CDH13: variants seen among roughly 807,000 people sequenced by gnomAD.
CDH13 encodes cadherin-13.
In CDH13, 24 loss-of-function variants were observed where a neutral mutation model predicts 63.8. The ratio of observed to expected loss-of-function variants is 0.38; its 90% CI spans 0.27 to 0.53. The LOEUF (loss-of-function observed/expected upper bound fraction) is 0.53. Ranked by LOEUF, CDH13 falls within the 20% of genes least tolerant of loss-of-function variation. The pLI, the probability that CDH13 is intolerant of heterozygous loss-of-function variation, is 0.85. For missense variants in CDH13, 1,049 were observed against 903.1 expected (o/e 1.16, Z -2.07); for synonymous variants, 503 against 355.3 (o/e 1.42, Z -4.67).
intron 2 of CDH13, among the ~76,000 whole-genome samples, chr16:82,878,865 C>T (rs939330219): frequency 4.6e-5 from 7 of 152,090 alleles, no homozygotes; most frequent in Non-Finnish European, 8.8e-5. Flanking sequence ...TAGATCAGGA[C>T]TGATTTTACT....
intron 3 of CDH13, among the ~76,000 whole-genome samples, chr16:83,071,075 G>C (rs565837249): frequency 6.6e-6 from 1 of 152,054 alleles, no homozygotes; most frequent in South Asian, 2.1e-4. Flanking sequence ...CTAGGCATGA[G>C]ACACCATGCC....
At chr16:83,171,409 G>T (rs773729816) in intron 4 of CDH13, 2 of 896,448 alleles carry the variant, frequency 2.2e-6, no homozygotes, top group Non-Finnish European at 3.5e-6. Flanking sequence ...GGGGATTACA[G>T]TTGAACATGA....
At chr16:82,660,366 A>G (rs1467546994) in intron 1 of CDH13, among the ~76,000 whole-genome samples, 1 of 152,322 alleles carries the variant, frequency 6.6e-6, no homozygotes, top group East Asian at 1.9e-4. Flanking sequence ...ATATGTAAAT[A>G]TGACAGAGAA....
chr16:83,150,683 T>C (rs2036941508), intron 4 of CDH13, among the ~76,000 whole-genome samples: 1 of 152,240 alleles, frequency 6.6e-6, no homozygotes, highest in Admixed American at 6.5e-5. Flanking sequence ...CTTACCTATT[T>C]ACTATATGCT....
At chr16:82,890,183 G>T (rs9937259) in intron 2 of CDH13, among the ~76,000 whole-genome samples, 55,365 of 152,118 alleles carry the variant, frequency 0.36, 10,606 homozygotes, top group African/African-American at 0.42. Context: ...ATGTAGGCTT[G>T]TAAGGAGGGA....
chr16:83,105,098 C>T (rs576921866), intron 3 of CDH13, among the ~76,000 whole-genome samples: 2 of 152,206 alleles, frequency 1.3e-5, no homozygotes, highest in Non-Finnish European at 2.9e-5. Context: ...TTGCTGCACC[C>T]GTCAACCCAT....
chr16:82,792,410 TA>T (rs937440455), intron 1 of CDH13, among the ~76,000 whole-genome samples: 4 of 151,960 alleles, frequency 2.6e-5, no homozygotes, highest in South Asian at 2.1e-4. Flanking sequence ...TAGCATCTGA[TA>T]AAAAAAAGAT....
In CDH13 at chr16:82,700,328, A is replaced by T. The variant is rs552173578; in HGVS notation, c.45+73191A>T. Among the ~76,000 whole-genome samples, 4 of 152,334 alleles carry T rather than the reference A, an allele frequency of 2.6e-5. No homozygotes were observed. In the South Asian group the frequency reaches 8.3e-4, roughly 32 times the overall value. On this transcript the variant is annotated intron_variant, in intron 1 of 13. Transcript: ENST00000567109. ...ATCCCATGAGAGAACACTTTAAAGA[A>T]CAGACGATGAGAATCAGTACCATGC...
At position 83,687,265 on chromosome 16, in the gene CDH13, C is replaced by T. The variant is rs12446939; in HGVS notation, c.1538+8804C>T. Among the ~76,000 whole-genome samples, 1,375 of 152,228 alleles carry T rather than the reference C, an allele frequency of 9.0e-3. 66 individuals are homozygous for T. The highest frequency in any genetic ancestry group is 0.071 in the Admixed American group (1,078 of 15,282). On this transcript the variant is annotated intron_variant, in intron 10 of 13. Coordinates refer to ENST00000567109, the MANE Select transcript of CDH13 (RefSeq NM_001257.5). ...ATTAGTCCATTCTCAAATTGCTACACAGAAATGCCTGAGACTGGGTAATTT... is the reference window on the plus strand; with the variant it reads ...ATTAGTCCATTCTCAAATTGCTACATAGAAATGCCTGAGACTGGGTAATTT...
intron 5 of CDH13, among the ~76,000 whole-genome samples, chr16:83,332,733 G>C (rs1317976415): frequency 6.6e-6 from 1 of 152,090 alleles, no homozygotes; most frequent in East Asian, 1.9e-4. Flanking sequence ...TTGAGGCAGA[G>C]GATATTCACT....
intron 8 of CDH13, among the ~76,000 whole-genome samples, chr16:83,608,739 C>T (rs1478057086): frequency 6.7e-6 from 1 of 149,604 alleles, no homozygotes; most frequent in Non-Finnish European, 1.5e-5. Context: ...AACTATTGGG[C>T]CCAAGCAATC....
rs116895069 is a variant in CDH13, at chr16:83,685,711, A to G, written c.1538+7250A>G. Among the ~76,000 whole-genome samples the G allele has an allele frequency of 7.9e-3, 1,207 of 152,316 alleles. 14 individuals carry two copies. Among genetic ancestry groups the G allele is most frequent in the Non-Finnish European group, 8.0e-3 (545 of 68,022 alleles). Reference sequence around the variant, plus strand: ...ATTGCTTCCTTGGGAACTAAGAACCAATGATCCCAAGTCGAGAAGAAGGAG... The same window carrying G: ...ATTGCTTCCTTGGGAACTAAGAACCGATGATCCCAAGTCGAGAAGAAGGAG... On this transcript the variant is annotated intron_variant, in intron 10 of 13. Transcript: ENST00000567109.
intron 8 of CDH13, among the ~76,000 whole-genome samples, chr16:83,616,135 T>C (rs1167867613): frequency 1.3e-5 from 2 of 152,180 alleles, no homozygotes; most frequent in Admixed American, 6.5e-5. Flanking sequence ...AAAAGGGTGG[T>C]ATGTGCATTC....
chr16:83,218,748 T>C (rs1367546562), intron 5 of CDH13, among the ~76,000 whole-genome samples: 1 of 152,106 alleles, frequency 6.6e-6, no homozygotes, highest in East Asian at 1.9e-4. Flanking sequence ...GGTTTGGCTG[T>C]CTCCCCAATC....
intron 4 of CDH13, among the ~76,000 whole-genome samples, chr16:83,215,930 A>G (rs993255203): frequency 1.3e-5 from 2 of 152,176 alleles, no homozygotes; most frequent in African/African-American, 2.4e-5. Flanking sequence ...GGTAAACTCT[A>G]GATTCCACTT....
chr16:82,947,004 CTGTGTGTGTGTGTGTGTGTGTG>C (rs3223223), intron 2 of CDH13, among the ~76,000 whole-genome samples: 3 of 134,920 alleles, frequency 2.2e-5, no homozygotes, highest in African/African-American at 8.1e-5. Context: ...GTGCGCACGC[CTGTGTGTGTGTGTGTGTGTGTG>C]TGTGTGTGTG....
At chr16:82,737,805 T>G (rs1244787019) in intron 1 of CDH13, among the ~76,000 whole-genome samples, 2 of 152,196 alleles carry the variant, frequency 1.3e-5, no homozygotes, top group Non-Finnish European at 2.9e-5. Flanking sequence ...TTTACTGAGG[T>G]ATAATTGACC....
intron 8 of CDH13, among the ~76,000 whole-genome samples, chr16:83,644,407 T>A (rs1911596073): frequency 1.3e-5 from 2 of 152,240 alleles, no homozygotes; most frequent in African/African-American, 4.8e-5. Context: ...TTCCCTTTTA[T>A]AAACATTACA....
chr16:82,713,180 G>T (rs556883022), intron 1 of CDH13, among the ~76,000 whole-genome samples: 1 of 152,206 alleles, frequency 6.6e-6, no homozygotes, highest in East Asian at 1.9e-4. Flanking sequence ...ACCCGCATAA[G>T]AATCTTTTGG....
Sources: allele counts gnomAD v4.1 joint callset (sites outside exome capture counted in the v4.1 genomes callset), GRCh38; gene constraint gnomAD v4.1.1; transcripts MANE v1.5; gene names NCBI Gene and HGNC (gene_info 2026-07-23, HGNC 2026-07-21).